PPM1L: variants seen among roughly 807,000 people sequenced by gnomAD.
The protein encoded by PPM1L is protein phosphatase 1L.
PPM1L carries 13 observed loss-of-function variants against 31.4 expected under a neutral mutation model. That is an observed-to-expected ratio of 0.41 (90% CI 0.27 to 0.66). The LOEUF (loss-of-function observed/expected upper bound fraction) is 0.66, where lower values mean the gene tolerates loss of function less well. Ranked by LOEUF, PPM1L falls within the 30% of genes least tolerant of loss-of-function variation. PPM1L has a pLI of 0.29. For missense variants in PPM1L, 326 were observed against 453.7 expected, an observed-to-expected ratio of 0.72 and a Z score of 2.56; for synonymous variants, 184 against 175.4, an observed-to-expected ratio of 1.05 and a Z score of -0.39.
rs568067609 is a variant in PPM1L at position 160,981,018 on chromosome 3, C to A, written c.574+19108C>A. On this transcript the variant is annotated intron_variant, in intron 2 of 3. Transcript: ENST00000498165. ...TACTTGGCACAAATTAACTTCCTGTCCAGAGCATGACAGAAACCAGCAAAA... is the reference window on the plus strand; with the variant it reads ...TACTTGGCACAAATTAACTTCCTGTACAGAGCATGACAGAAACCAGCAAAA... Among the ~76,000 whole-genome samples the A allele has an allele frequency of 2.0e-4, 31 of 152,274 alleles. No individual in the cohort carries two copies. The East Asian group carries it at 6.0e-3, about 29-fold the overall frequency.
At chr3:160,785,820 C>G (rs2108069496) in intron 1 of PPM1L, among the ~76,000 whole-genome samples, 1 of 149,554 alleles carries the variant, frequency 6.7e-6, no homozygotes, top group African/African-American at 2.4e-5. Context: ...TCTTACAAGA[C>G]AGCGGTGCAC....
At chr3:160,981,585 T>A (rs1224653422) in intron 2 of PPM1L, among the ~76,000 whole-genome samples, 3 of 152,072 alleles carry the variant, frequency 2.0e-5, no homozygotes, top group Non-Finnish European at 2.9e-5. Flanking sequence ...GTAGTATTCA[T>A]ACTAAGCAAG....
intron 1 of PPM1L, among the ~76,000 whole-genome samples, chr3:160,882,678 A>G (rs1028262812): frequency 1.3e-5 from 2 of 152,220 alleles, no homozygotes; most frequent in African/African-American, 4.8e-5. Flanking sequence ...TTTTGGGAAC[A>G]CAGATGTACC....
chr3:160,862,096 G>A (rs560716032), intron 1 of PPM1L, among the ~76,000 whole-genome samples: 16 of 152,204 alleles, frequency 1.1e-4, no homozygotes, highest in South Asian at 6.2e-4. Flanking sequence ...ACATATTTGA[G>A]GGGGGGCCAT....
chr3:160,916,052 G>T (rs1714166491), intron 1 of PPM1L, among the ~76,000 whole-genome samples: 2 of 152,144 alleles, frequency 1.3e-5, no homozygotes, highest in Non-Finnish European at 2.9e-5. Flanking sequence ...AGCCAAAATA[G>T]ACAAATGGGA....
At chr3:160,895,088 T>G (rs2108049154) in intron 1 of PPM1L, among the ~76,000 whole-genome samples, 1 of 152,328 alleles carries the variant, frequency 6.6e-6, no homozygotes, top group East Asian at 1.9e-4. Context: ...ACCAGGGACA[T>G]TACTGTAGTA....
chr3:160,767,786 A>G (rs752945758), intron 1 of PPM1L, among the ~76,000 whole-genome samples: 4 of 152,244 alleles, frequency 2.6e-5, no homozygotes, highest in Non-Finnish European at 5.9e-5. Context: ...AATCTAAAAT[A>G]TGGTATAAAA....
chr3:160,800,260 G>T (rs888052168), intron 1 of PPM1L, among the ~76,000 whole-genome samples: 2 of 152,056 alleles, frequency 1.3e-5, no homozygotes, highest in African/African-American at 2.4e-5. Context: ...TAATTTTAGA[G>T]AACTTTTAAT....
chr3:161,013,123 C>G (rs1717953065), intron 2 of PPM1L, among the ~76,000 whole-genome samples: 1 of 152,102 alleles, frequency 6.6e-6, no homozygotes. Context: ...GTTAGGGTGT[C>G]AATTTTAGAT....
intron 2 of PPM1L, among the ~76,000 whole-genome samples, chr3:161,043,511 G>A (rs1296172314): frequency 6.6e-6 from 1 of 152,172 alleles, no homozygotes; most frequent in South Asian, 2.1e-4. Context: ...GTTTCGTTTA[G>A]CAGATGCTCA....
intron 1 of PPM1L, among the ~76,000 whole-genome samples, chr3:160,887,663 C>T (rs1451381499): frequency 6.6e-6 from 1 of 150,918 alleles, no homozygotes; most frequent in Non-Finnish European, 1.5e-5. Context: ...TCACTGCAAG[C>T]TCCACCTCCC....
intron 2 of PPM1L, among the ~76,000 whole-genome samples, chr3:161,060,467 C>T (rs907045146): frequency 1.3e-5 from 2 of 152,078 alleles, no homozygotes; most frequent in African/African-American, 2.4e-5. Flanking sequence ...GCTAAAATGA[C>T]AGTGGTTGGG....
At chr3:160,824,260 A>C (rs1713290966) in intron 1 of PPM1L, among the ~76,000 whole-genome samples, 1 of 152,086 alleles carries the variant, frequency 6.6e-6, no homozygotes, top group Non-Finnish European at 1.5e-5. Flanking sequence ...TGCAACCTGG[A>C]AAAGAGTCCT....
chr3:161,009,803 T>C (rs1417736378), intron 2 of PPM1L, among the ~76,000 whole-genome samples: 1 of 152,118 alleles, frequency 6.6e-6, no homozygotes, highest in Non-Finnish European at 1.5e-5. Context: ...TGTCCTACAG[T>C]TGAAATCTTC....
chr3:160,823,717 A>G (rs530397889), intron 1 of PPM1L, among the ~76,000 whole-genome samples: 2 of 152,088 alleles, frequency 1.3e-5, no homozygotes, highest in Non-Finnish European at 2.9e-5. Context: ...TTTAATTCTC[A>G]CAAGAATCCT....
chr3:160,786,311 G>A (rs1214402881), intron 1 of PPM1L, among the ~76,000 whole-genome samples: 5 of 144,482 alleles, frequency 3.5e-5, no homozygotes, highest in Non-Finnish European at 7.5e-5. Flanking sequence ...TCTGCCTCTC[G>A]AGTTCAAGCG....
chr3:161,050,776 C>A (rs1181970955), intron 2 of PPM1L, among the ~76,000 whole-genome samples: 1 of 152,148 alleles, frequency 6.6e-6, no homozygotes, highest in Non-Finnish European at 1.5e-5. Flanking sequence ...TTTTGGCTGT[C>A]TTCATTGTTT....
In PPM1L at chr3:160,944,896, A is replaced by G. The variant is rs1357202725; in HGVS notation, c.400-16840A>G. Among the ~76,000 whole-genome samples the G allele has an allele frequency of 1.3e-4, 13 of 98,886 alleles. 3 individuals carry two copies. Among genetic ancestry groups the G allele is most frequent in the African/African-American group, 4.8e-4 (13 of 27,180 alleles). 64.9% of individuals were successfully genotyped at this position (98,886 alleles called of 152,430 possible). ...ATATATAACATATATATTATATATA[A>G]CTGATGTTACATATATAATATATAG... On this transcript the variant is annotated intron_variant, in intron 1 of 3. Coordinates refer to ENST00000498165, the MANE Select transcript of PPM1L (RefSeq NM_139245.4).
chr3:160,911,188 C>T (rs540811834), intron 1 of PPM1L, among the ~76,000 whole-genome samples: 1 of 152,296 alleles, frequency 6.6e-6, no homozygotes, highest in East Asian at 1.9e-4. Flanking sequence ...CTTTGGATCT[C>T]TTACGTTTGG....
Sources: gnomAD v4.1 joint callset for allele counts (sites outside exome capture counted in the v4.1 genomes callset) on GRCh38, gnomAD v4.1.1 for gene constraint, MANE v1.5 for transcripts, NCBI Gene and HGNC (gene_info 2026-07-23, HGNC 2026-07-21) for gene names.